The following RAD52 variants were observed in gnomAD, a reference collection of about 807,000 sequenced individuals.
RAD52 encodes the protein RAD52 DNA repair protein, also known as DNA repair protein RAD52 homolog.
RAD52 carries 47 observed loss-of-function variants against 55.5 expected under a neutral mutation model. The observed-to-expected ratio is 0.85, with a 90% CI of 0.67 to 1.08. RAD52 has a LOEUF of 1.08. Among genes scored for constraint, RAD52 ranks in the 50% least tolerant of loss-of-function variants. RAD52 has a pLI of 0.00. For synonymous variants in RAD52, 184 were observed against 198.9 expected, an observed-to-expected ratio of 0.92 and a Z score of 0.63; for missense variants, 468 against 522.8, an observed-to-expected ratio of 0.90 and a Z score of 1.02.
Position 917,200 on chromosome 12 carries a change from G to A in RAD52, c.544-380C>T, listed in dbSNP as rs11571460. Among the ~76,000 whole-genome samples, 1,178 of 152,254 alleles carry A rather than the reference G, an allele frequency of 7.7e-3. 11 individuals carry two copies. Among genetic ancestry groups the A allele is most frequent in the African/African-American group, 0.026 (1,096 of 41,554 alleles). On this transcript the variant is annotated intron_variant, in intron 7 of 11. Coordinates refer to ENST00000358495, the MANE Select transcript of RAD52 (RefSeq NM_134424.4). ...TGCCAGGGCCACCCCTGCAAATCGC[G>A]CTCGTCACTGAGGGAGCCTCGGGCA...
chr12:931,240 T>C lies in RAD52; in HGVS notation c.166A>G (p.Met56Val), dbSNP rs1397501679. Residue 56 changes from methionine to valine, a missense_variant, in exon 3 of 12, where the codon ATG becomes GTG. Coordinates refer to ENST00000358495, the MANE Select transcript of RAD52 (RefSeq NM_134424.4). ...RLGPEYISSRMAGGGQKVCYI... is the reference protein window; with the variant it reads ...RLGPEYISSRVAGGGQKVCYI... ...CCTACCTTCTGGCCTCCGCCAGCCA[T>C]GCGGCTACTTATGTATTCTGGGCCC... 4 of 1,612,490 alleles carry C rather than the reference T, an allele frequency of 2.5e-6. No individual in the cohort carries two copies. The highest frequency in any genetic ancestry group is 3.4e-6 in the Non-Finnish European group (4 of 1,179,598).
intron 1 of RAD52, among the ~76,000 whole-genome samples, chr12:945,294 T>C (rs1189125868): frequency 6.6e-6 from 1 of 151,010 alleles, no homozygotes; most frequent in Non-Finnish European, 1.5e-5. Flanking sequence ...AAGGTTGCAG[T>C]GAGCCAAGAT....
intron 11 of RAD52, 22 bp from the exon 12 acceptor site, chr12:913,474 A>G: frequency 6.5e-7 from 1 of 1,531,656 alleles, no homozygotes; most frequent in Non-Finnish European, 9.0e-7. Flanking sequence ...AAAATGGCTT[A>G]AATGTAGCTG....
rs554221618 is a variant in RAD52, at chr12:916,778, G to C, written c.586C>G (p.Leu196Val). The C allele has an allele frequency of 6.2e-7, 1 of 1,613,346 alleles. No homozygotes were observed. The highest frequency in any genetic ancestry group is 1.1e-5 in the South Asian group (1 of 91,074). The change falls in exon 8 of 12, where the codon CTT (leucine) becomes GTT (valine). Residue 196 changes from leucine to valine, a missense_variant. By Grantham distance (32) the Leu-to-Val change is conservative. Transcript: ENST00000358495. ...CTTGCCTCCTCCACAGACGGTTCAAGATCTTGTCTCTTCGCTTTAGTTAAA... is the reference window on the plus strand; with the variant it reads ...CTTGCCTCCTCCACAGACGGTTCAACATCTTGTCTCTTCGCTTTAGTTAAA... The part of the protein sequence containing the change: ...VDLTKAKRQD[L>V]EPSVEEARYN...
chr12:923,334 G>A (rs2154111912), intron 7 of RAD52, among the ~76,000 whole-genome samples: 2 of 151,980 alleles, frequency 1.3e-5, no homozygotes, highest in South Asian at 4.2e-4. Flanking sequence ...GAGCCCAGCA[G>A]TTCATGACCA....
At chr12:971,581 ATTAT>A (rs1958853274) in intron 1 of RAD52, among the ~76,000 whole-genome samples, 1 of 152,238 alleles carries the variant, frequency 6.6e-6, no homozygotes, top group Non-Finnish European at 1.5e-5. Context: ...TAAAAAATTA[ATTAT>A]TTATTCAAAA....
chr12:914,547 GGAGA>G lies in RAD52; in HGVS notation c.866-19_866-16del. 6.2e-7 allele frequency: 1 copy of G among 1,612,454 alleles called. No individual in the cohort carries two copies. Among genetic ancestry groups the G allele is most frequent in the Non-Finnish European group, 8.5e-7 (1 of 1,179,786 alleles). ...CGGAGGCGCTGCTACGGTTCACAGA[GGAGA>G]GAAAGGACAAGTCATCATCACATCA... On this transcript the variant is annotated splice_polypyrimidine_tract_variant and intron_variant, in intron 9 of 11. Transcript: ENST00000358495.
At chr12:970,648 A>AC (rs1159354949) in intron 1 of RAD52, among the ~76,000 whole-genome samples, 4 of 152,178 alleles carry the variant, frequency 2.6e-5, no homozygotes, top group African/African-American at 9.7e-5. Context: ...GGACAGTGAA[A>AC]CATTGATTTA....
chr12:918,511 C>G (rs971816636), intron 7 of RAD52, among the ~76,000 whole-genome samples: 1 of 152,142 alleles, frequency 6.6e-6, no homozygotes, highest in Non-Finnish European at 1.5e-5. Flanking sequence ...ATTCTCCCAG[C>G]CCAGCCTCCC....
chr12:931,331 C>T lies in RAD52; in HGVS notation c.85-10G>A. On this transcript the variant is annotated splice_polypyrimidine_tract_variant and intron_variant, in intron 2 of 11. Coordinates refer to ENST00000358495, the MANE Select transcript of RAD52 (RefSeq NM_134424.4). ...CTGCTGTGTACTGGCACTGCAACCC[C>T]AAAAAAGAAAATTAAATTCACACTT... 1 of 1,558,766 alleles carries T rather than the reference C, an allele frequency of 6.4e-7. No individual in the cohort carries two copies. The highest frequency in any genetic ancestry group is 1.7e-4 in the Middle Eastern group (1 of 5,830).
In RAD52 at chr12:915,163, C is replaced by T. The variant is rs553745466; in HGVS notation, c.866-631G>A. On this transcript the variant is annotated intron_variant, in intron 9 of 11. Transcript: ENST00000358495. ...CAAACCAACAAACAAAATCTTCAGC[C>T]AAAATCTGATGTGTGAAATGGATTA... 4.3e-4 allele frequency among the ~76,000 whole-genome samples: 66 copies of T among 152,164 alleles called. No individual in the cohort carries two copies. The South Asian group carries it at 0.013, about 30-fold the overall frequency.
chr12:975,170 T>C (rs1412251854), intron 1 of RAD52: 1 of 148,974 alleles, frequency 6.7e-6, no homozygotes, highest in Non-Finnish European at 1.5e-5. Flanking sequence ...GTATATAGGG[T>C]TTGGTACTAT....
intron 1 of RAD52, among the ~76,000 whole-genome samples, chr12:945,989 C>G (rs1958203782): frequency 6.6e-6 from 1 of 151,930 alleles, no homozygotes; most frequent in Non-Finnish European, 1.5e-5. Flanking sequence ...CGCCACCGCA[C>G]TCCAGCCTGG....
At chr12:940,479 C>T (rs974564469) in intron 1 of RAD52, among the ~76,000 whole-genome samples, 1 of 151,938 alleles carries the variant, frequency 6.6e-6, no homozygotes, top group Non-Finnish European at 1.5e-5. Flanking sequence ...TGCCTGTAGT[C>T]CCAGCTACTC....
upstream of RAD52, chr12:990,355 CA>C (rs34154699): frequency 6.3e-5 from 9 of 143,210 alleles, no homozygotes; most frequent in African/African-American, 5.1e-5. Context: ...TGCATGGCTC[CA>C]AAAAAAAAAC....
At chr12:925,347 G>T in intron 7 of RAD52, 103 bp downstream of exon 7, 1 of 941,792 alleles carries the variant, frequency 1.1e-6, no homozygotes. Flanking sequence ...CCTCTAAAGA[G>T]CTGAGTCCTC....
At chr12:973,671 G>T (rs1238084787) in intron 1 of RAD52, among the ~76,000 whole-genome samples, 1 of 151,608 alleles carries the variant, frequency 6.6e-6, no homozygotes, top group Admixed American at 6.6e-5. Context: ...AGAGACAGGG[G>T]TCTCACCATA....
At chr12:971,767 T>A (rs1316969258) in intron 1 of RAD52, among the ~76,000 whole-genome samples, 5 of 152,118 alleles carry the variant, frequency 3.3e-5, no homozygotes, top group South Asian at 2.1e-4. Context: ...TTTTTTTTTT[T>A]GAGACGGAGT....
rs1443786687 is a variant in RAD52 at position 911,846 on chromosome 12, C to T, written c.*1545G>A. On this transcript the variant is annotated 3_prime_UTR_variant, in exon 12 of 12. Transcript: ENST00000358495. ...ACCAGCCTGGCCAACATGGAGAAAC[C>T]CCGTCTCCTCTACTAAAAATACAAA... Among the ~76,000 whole-genome samples, 1 of 150,954 alleles carries T rather than the reference C, an allele frequency of 6.6e-6. No individual in the cohort carries two copies. Among genetic ancestry groups the T allele is most frequent in the Non-Finnish European group, 1.5e-5 (1 of 67,798 alleles).
Sources: gnomAD v4.1 joint callset for allele counts (sites outside exome capture counted in the v4.1 genomes callset) on GRCh38, gnomAD v4.1.1 for gene constraint, MANE v1.5 for transcripts, NCBI Gene and HGNC (gene_info 2026-07-23, HGNC 2026-07-21) for gene names.